BICRAL: variants seen among roughly 807,000 people sequenced by gnomAD.
The protein encoded by BICRAL is BICRA like chromatin remodeling complex associated protein.
A neutral mutation model predicts 91.8 loss-of-function variants in BICRAL; 8 were observed. The ratio of observed to expected loss-of-function variants is 0.09; its 90% CI spans 0.05 to 0.16. The LOEUF (loss-of-function observed/expected upper bound fraction) is 0.16, where lower values mean the gene tolerates loss of function less well. Among genes scored for constraint, BICRAL ranks in the 10% least tolerant of loss-of-function variants. The pLI is 1.00. For synonymous variants in BICRAL, 445 were observed against 491.1 expected, an observed-to-expected ratio of 0.91 and a Z score of 1.24; for missense variants, 1,038 against 1,310.9, an observed-to-expected ratio of 0.79 and a Z score of 3.21.
At position 42,860,377 on chromosome 6, in the gene BICRAL, A is replaced by T. The variant is rs1428944337; in HGVS notation, c.2349+21A>T. 5 of 1,433,574 alleles carry T rather than the reference A, an allele frequency of 3.5e-6. No homozygotes were observed. The East Asian group carries it at 1.1e-4, about 33-fold the overall frequency. 88.8% of individuals were successfully genotyped at this position (1,433,574 alleles called of 1,614,324 possible). A position where few individuals can be genotyped will look rare whatever the true frequency, so the allele number is the denominator to read the frequency against. On this transcript the variant is annotated intron_variant, in intron 11 of 12. Transcript: ENST00000314073. ...CCATGGTAAAAGTCATGCTACTGAT[A>T]TTTGTTCTTTAAAACTTTACAGGTC...
chr6:42,848,383 C>G (rs1305113524), intron 6 of BICRAL, among the ~76,000 whole-genome samples: 1 of 152,038 alleles, frequency 6.6e-6, no homozygotes, highest in Non-Finnish European at 1.5e-5. Flanking sequence ...CCACTGCACT[C>G]CAGCCTCAGT....
chr6:42,844,622 T>G (rs919635812), intron 6 of BICRAL, among the ~76,000 whole-genome samples: 4 of 150,592 alleles, frequency 2.7e-5, no homozygotes, highest in African/African-American at 9.8e-5. Context: ...TCTGATAGAT[T>G]TAACAACTGG....
intron 11 of BICRAL, among the ~76,000 whole-genome samples, chr6:42,861,614 T>C (rs1051563909): frequency 6.6e-6 from 1 of 152,192 alleles, no homozygotes; most frequent in African/African-American, 2.4e-5. Context: ...CCTTGGGAGA[T>C]TGGTTGAGCT....
chr6:42,835,798 G>A (rs1430872213), intron 6 of BICRAL, among the ~76,000 whole-genome samples: 1 of 152,148 alleles, frequency 6.6e-6, no homozygotes. Context: ...GGTGAGTGTG[G>A]TAGTGTGCAC....
At chr6:42,808,680 G>A (rs909144584) in intron 1 of BICRAL, among the ~76,000 whole-genome samples, 1 of 150,014 alleles carries the variant, frequency 6.7e-6, no homozygotes, top group African/African-American at 2.5e-5. Flanking sequence ...GGGTGTGTGT[G>A]GGGGAGAGAT....
intron 1 of BICRAL, among the ~76,000 whole-genome samples, chr6:42,771,037 C>A (rs922359772): frequency 6.6e-6 from 1 of 152,240 alleles, no homozygotes; most frequent in African/African-American, 2.4e-5. Context: ...GAGCTTTTCA[C>A]TGACACCTGG....
At chr6:42,770,942 A>G (rs1762710719) in intron 1 of BICRAL, among the ~76,000 whole-genome samples, 1 of 151,230 alleles carries the variant, frequency 6.6e-6, no homozygotes, top group South Asian at 2.1e-4. Flanking sequence ...TCGGCCTTAC[A>G]AAGTGCTGGG....
At chr6:42,767,656 A>G (rs944158374) in intron 1 of BICRAL, among the ~76,000 whole-genome samples, 2 of 152,244 alleles carry the variant, frequency 1.3e-5, no homozygotes, top group Non-Finnish European at 2.9e-5. Context: ...GAAGGGAAGT[A>G]TAAAAATGAA....
intron 2 of BICRAL, among the ~76,000 whole-genome samples, chr6:42,811,583 T>C (rs1389677660): frequency 3.3e-5 from 5 of 149,366 alleles, no homozygotes; most frequent in Non-Finnish European, 5.9e-5. Context: ...ATTGCGCCAC[T>C]GCACTCCAGC....
chr6:42,845,019 A>G (rs943664761), intron 6 of BICRAL, among the ~76,000 whole-genome samples: 5 of 151,618 alleles, frequency 3.3e-5, no homozygotes, highest in African/African-American at 1.2e-4. Context: ...GACTAAAGGG[A>G]AAAAAAGGAT....
intron 2 of BICRAL, among the ~76,000 whole-genome samples, chr6:42,811,976 G>T (rs976846912): frequency 6.6e-6 from 1 of 152,104 alleles, no homozygotes; most frequent in African/African-American, 2.4e-5. Context: ...ATTTTGTAAA[G>T]AAACTTTGTA....
chr6:42,848,881 G>A (rs57881525), intron 6 of BICRAL, among the ~76,000 whole-genome samples: 6,533 of 152,202 alleles, frequency 0.043, 477 homozygotes, highest in African/African-American at 0.15. Context: ...TGGGCTTGGT[G>A]GCTCAAGCCT....
Position 42,829,203 on chromosome 6 carries a change from T to C in BICRAL, c.870T>C (p.Ser290=). The change falls in exon 6 of 13, where the codon TCT becomes TCC. Residue 290 remains serine (S), a synonymous_variant. Coordinates refer to ENST00000314073, the MANE Select transcript of BICRAL (RefSeq NM_001393499.1). The part of the protein sequence containing the change: ...VPFNSTNFQT[S]LPVHNIIIQR... The stretch of plus-strand genomic sequence containing the variant: ...TTAACAGCACAAATTTTCAAACATC[T>C]TTACCTGTGCATAACATCATCATAC... 6.2e-7 allele frequency: 1 copy of C among 1,614,148 alleles called. No homozygotes were observed. Among genetic ancestry groups the C allele is most frequent in the Non-Finnish European group, 8.5e-7 (1 of 1,180,012 alleles).
intron 2 of BICRAL, 105 bp from the exon 3 acceptor site, chr6:42,821,913 A>G: frequency 4.6e-6 from 3 of 645,252 alleles, no homozygotes; most frequent in Non-Finnish European, 8.2e-6. Flanking sequence ...CGTGAATTAC[A>G]GTTATTTATC....
chr6:42,797,614 G>A (rs555317817), intron 1 of BICRAL, among the ~76,000 whole-genome samples: 1 of 152,232 alleles, frequency 6.6e-6, no homozygotes, highest in East Asian at 1.9e-4. Context: ...GTGAGATCAT[G>A]CATATAAAGC....
intron 1 of BICRAL, among the ~76,000 whole-genome samples, chr6:42,761,770 G>A (rs533447407): frequency 3.3e-5 from 5 of 151,474 alleles, no homozygotes; most frequent in African/African-American, 9.7e-5. Context: ...AAAAAATAGC[G>A]AGACATGGTG....
rs948536416 is a variant in BICRAL, at chr6:42,819,736, G to C, written c.-5-2282G>C. On this transcript the variant is annotated intron_variant, in intron 2 of 12. Transcript: ENST00000314073. ...ATTATTTGAAGCTAGAGAATACAGGGCTAAGGGTCATCTCTTTTAATTTGA... is the reference window on the plus strand; with the variant it reads ...ATTATTTGAAGCTAGAGAATACAGGCCTAAGGGTCATCTCTTTTAATTTGA... 2.0e-5 allele frequency among the ~76,000 whole-genome samples: 3 copies of C among 152,284 alleles called. No individual in the cohort carries two copies. The South Asian group carries it at 6.2e-4, about 32-fold the overall frequency.
At chr6:42,817,412 A>G (rs1164517474) in intron 2 of BICRAL, among the ~76,000 whole-genome samples, 2 of 152,028 alleles carry the variant, frequency 1.3e-5, no homozygotes, top group African/African-American at 2.4e-5. Context: ...AAATTAAGAT[A>G]TAATTTACAT....
At chr6:42,862,210 G>C (rs1377969569) in intron 11 of BICRAL, among the ~76,000 whole-genome samples, 1 of 151,456 alleles carries the variant, frequency 6.6e-6, no homozygotes, top group Non-Finnish European at 1.5e-5. Flanking sequence ...CTACTATTTG[G>C]GTACAAAATA....
Sources: allele counts gnomAD v4.1 joint callset (sites outside exome capture counted in the v4.1 genomes callset), GRCh38; gene constraint gnomAD v4.1.1; transcripts MANE v1.5; gene names NCBI Gene and HGNC (gene_info 2026-07-23, HGNC 2026-07-21).